SGCZ: variants seen among roughly 807,000 people sequenced by gnomAD.
SGCZ encodes the protein sarcoglycan zeta.
In SGCZ, 40 loss-of-function variants were observed where a neutral mutation model predicts 41.3. The ratio of observed to expected loss-of-function variants is 0.97; its 90% CI spans 0.75 to 1.26. SGCZ has a LOEUF of 1.26. Among genes scored for constraint, SGCZ ranks in the 50% most tolerant of loss-of-function variants. The pLI, the probability that SGCZ is intolerant of heterozygous loss-of-function variation, is 0.00. For missense variants in SGCZ, 552 were observed against 369.8 expected (o/e 1.49, Z -4.04); for synonymous variants, 206 against 137.5 (o/e 1.50, Z -3.49).
rs545848173 is a variant in SGCZ, at chr8:14,589,455, A to G, written c.40-34529T>C. Among the ~76,000 whole-genome samples, 5 of 152,290 alleles carry G rather than the reference A, an allele frequency of 3.3e-5. No homozygotes were observed. In the South Asian group the frequency reaches 1.0e-3, roughly 32 times the overall value. On this transcript the variant is annotated intron_variant, in intron 1 of 7. Transcript: ENST00000382080. ...ACATTCACCAGAAATGTCTGAAGAA[A>G]AAAACATGTATTAGATTTAGATAAT...
chr8:14,545,648 C>T (rs953064703), intron 2 of SGCZ, among the ~76,000 whole-genome samples: 1 of 152,100 alleles, frequency 6.6e-6, no homozygotes, highest in Non-Finnish European at 1.5e-5. Flanking sequence ...TAGCCATCCA[C>T]AAGGGCAAAT....
At chr8:14,119,407 A>AT (rs1180995821) in intron 5 of SGCZ, among the ~76,000 whole-genome samples, 1 of 152,124 alleles carries the variant, frequency 6.6e-6, no homozygotes, top group Non-Finnish European at 1.5e-5. Context: ...TTGCACATAG[A>AT]TTTTGTATCC....
intron 1 of SGCZ, among the ~76,000 whole-genome samples, chr8:14,743,014 A>G (rs1304837338): frequency 1.3e-5 from 2 of 152,146 alleles, no homozygotes; most frequent in Non-Finnish European, 2.9e-5. Context: ...TAATTTGCTG[A>G]TCACCACTTC....
rs1012845436 is a variant in SGCZ at position 14,378,200 on chromosome 8, TG to T, written c.235-53997del. On this transcript the variant is annotated intron_variant, in intron 2 of 7. Transcript: ENST00000382080. ...ATCCTCTCCAGCACCTGTTGTTTCC[TG>T]ACTTTTTAATGATCGCCATTCTAAC... Among the ~76,000 whole-genome samples the T allele has an allele frequency of 4.6e-5, 7 of 150,876 alleles. 1 individual carries two copies. The highest frequency in any genetic ancestry group is 1.7e-4 in the African/African-American group (7 of 40,532).
At chr8:15,084,529 T>C (rs992321785) in intron 1 of SGCZ, among the ~76,000 whole-genome samples, 3 of 152,158 alleles carry the variant, frequency 2.0e-5, no homozygotes, top group Admixed American at 2.0e-4. Flanking sequence ...GGCTGGCGGA[T>C]AACCTGAGGT....
intron 5 of SGCZ, among the ~76,000 whole-genome samples, chr8:14,127,251 G>C (rs1198639244): frequency 6.6e-6 from 1 of 152,106 alleles, no homozygotes; most frequent in East Asian, 1.9e-4. Context: ...GCCACTGATA[G>C]CTGTGTGTAT....
chr8:14,762,609 G>C (rs1357932791), intron 1 of SGCZ, among the ~76,000 whole-genome samples: 1 of 152,032 alleles, frequency 6.6e-6, no homozygotes, highest in Non-Finnish European at 1.5e-5. Context: ...CTAGCTCTTG[G>C]TCTCATCATA....
At chr8:14,428,668 G>C (rs1336482688) in intron 2 of SGCZ, among the ~76,000 whole-genome samples, 1 of 152,158 alleles carries the variant, frequency 6.6e-6, no homozygotes, top group East Asian at 1.9e-4. Flanking sequence ...AGCAGAATCG[G>C]TTACGTGCAT....
At chr8:14,867,829 T>G (rs1232387614) in intron 1 of SGCZ, among the ~76,000 whole-genome samples, 1 of 151,706 alleles carries the variant, frequency 6.6e-6, no homozygotes, top group African/African-American at 2.4e-5. Context: ...GCTTAGTACC[T>G]GGGTGATGAA....
rs4831331 is a variant in SGCZ at position 15,237,576 on chromosome 8, C to T, written c.39+9G>A. 5 of 1,585,582 alleles carry T rather than the reference C, an allele frequency of 3.2e-6. No individual in the cohort carries two copies. The East Asian group carries it at 1.1e-4, about 36-fold the overall frequency. On this transcript the variant is annotated intron_variant, in intron 1 of 7. Coordinates refer to ENST00000382080, the MANE Select transcript of SGCZ (RefSeq NM_139167.4). ...AGCGGCCGCGAAGCCCGCCCGGACC[C>T]GCACGTACCTTGAGCTCCTCAATGT...
intron 1 of SGCZ, among the ~76,000 whole-genome samples, chr8:15,088,698 T>C (rs773291427): frequency 2.0e-5 from 3 of 152,140 alleles, no homozygotes; most frequent in Admixed American, 2.0e-4. Context: ...CCCCCTGCAC[T>C]TATATAAGCC....
intron 1 of SGCZ, among the ~76,000 whole-genome samples, chr8:14,989,462 T>C (rs1415269286): frequency 6.6e-6 from 1 of 151,984 alleles, no homozygotes; most frequent in Non-Finnish European, 1.5e-5. Context: ...CTCCAGCCTG[T>C]GTGATAAAGC....
intron 1 of SGCZ, among the ~76,000 whole-genome samples, chr8:14,573,417 T>C (rs1161332238): frequency 6.6e-6 from 1 of 151,900 alleles, no homozygotes; most frequent in Non-Finnish European, 1.5e-5. Context: ...CTGGATCTCC[T>C]GACCTCGTGA....
chr8:14,676,769 T>A (rs1477943639), intron 1 of SGCZ, among the ~76,000 whole-genome samples: 1 of 152,200 alleles, frequency 6.6e-6, no homozygotes, highest in Non-Finnish European at 1.5e-5. Context: ...CAACACCTGT[T>A]AGTGAAATGA....
chr8:14,854,931 T>G (rs932463359), intron 1 of SGCZ, among the ~76,000 whole-genome samples: 2 of 151,492 alleles, frequency 1.3e-5, no homozygotes, highest in African/African-American at 4.9e-5. Flanking sequence ...TGAACAATCA[T>G]GCAGAGGTCC....
intron 1 of SGCZ, among the ~76,000 whole-genome samples, chr8:14,639,029 A>C (rs990754746): frequency 2.8e-5 from 4 of 142,330 alleles, no homozygotes; most frequent in African/African-American, 1.0e-4. Flanking sequence ...TACACTAAGA[A>C]ACTGGAATCT....
At chr8:14,395,191 G>A (rs1254767709) in intron 2 of SGCZ, among the ~76,000 whole-genome samples, 1 of 152,100 alleles carries the variant, frequency 6.6e-6, no homozygotes, top group Non-Finnish European at 1.5e-5. Flanking sequence ...TTTATGTACT[G>A]TAAAATGTTT....
At chr8:14,241,812 G>C (rs183617583) in intron 3 of SGCZ, among the ~76,000 whole-genome samples, 1 of 152,058 alleles carries the variant, frequency 6.6e-6, no homozygotes, top group Non-Finnish European at 1.5e-5. Flanking sequence ...CATGCCAAGG[G>C]CATGGCTGCA....
chr8:14,874,886 A>G (rs186927680), intron 1 of SGCZ, among the ~76,000 whole-genome samples: 135 of 152,292 alleles, frequency 8.9e-4, no homozygotes, highest in Admixed American at 8.8e-3. Context: ...CTGTAAAGAC[A>G]TTTTTCATAA....
Sources: allele counts gnomAD v4.1 joint callset (sites outside exome capture counted in the v4.1 genomes callset), GRCh38; gene constraint gnomAD v4.1.1; transcripts MANE v1.5; gene names NCBI Gene and HGNC (gene_info 2026-07-23, HGNC 2026-07-21).